The following C7 variants were observed in gnomAD, a reference collection of about 807,000 sequenced individuals.
The protein encoded by C7 is complement C7, also known as complement component C7.
In C7, 83 loss-of-function variants were observed where a neutral mutation model predicts 104.8. That is an observed-to-expected ratio of 0.79 (90% CI 0.66 to 0.95). The LOEUF (loss-of-function observed/expected upper bound fraction) is 0.95, where lower values mean the gene tolerates loss of function less well. C7 is among the 40% of genes least tolerant of loss of function. The pLI is 0.00. For synonymous variants in C7, 415 were observed against 360.6 expected, an observed-to-expected ratio of 1.15 and a Z score of -1.71; for missense variants, 1,070 against 1,011.2, an observed-to-expected ratio of 1.06 and a Z score of -0.79.
intron 1 of C7, among the ~76,000 whole-genome samples, chr5:40,917,293 G>A (rs902384297): frequency 1.6e-4 from 24 of 151,988 alleles, no homozygotes; most frequent in Non-Finnish European, 3.4e-4. Context: ...CATGGCCCTT[G>A]GTAACCATTT....
chr5:40,909,673 G>A, intron 1 of C7, 57 bp downstream of exon 1: 4 of 1,306,558 alleles, frequency 3.1e-6, no homozygotes, highest in East Asian at 2.4e-5. Flanking sequence ...AATGAACGGG[G>A]GTAATATAAA....
intron 1 of C7, among the ~76,000 whole-genome samples, chr5:40,920,232 CT>C (rs139744575): frequency 0.096 from 14,557 of 151,948 alleles, 966 homozygotes; most frequent in East Asian, 0.31. Flanking sequence ...TAAAGTGTTT[CT>C]GTAAAGTGTT....
chr5:40,932,135 G>C (rs1170012369), intron 3 of C7, among the ~76,000 whole-genome samples: 2 of 151,970 alleles, frequency 1.3e-5, no homozygotes, highest in Non-Finnish European at 2.9e-5. Flanking sequence ...CTTTTTCTCT[G>C]TGTGTGCTTA....
intron 1 of C7, among the ~76,000 whole-genome samples, chr5:40,927,643 A>C (rs1739583563): frequency 6.6e-6 from 1 of 152,116 alleles, no homozygotes; most frequent in African/African-American, 2.4e-5. Context: ...CTGAGTAAAC[A>C]TTTCTGAAGA....
At position 40,963,989 on chromosome 5, in the gene C7, T is replaced by G. The variant is rs531437488; in HGVS notation, c.1750-752T>G. On this transcript the variant is annotated intron_variant, in intron 13 of 17. Transcript: ENST00000313164. ...TCATACTGACATTTTGTAGGCAGTATGGCAGTATTGTCAATGAACAGCTCA... is the reference window on the plus strand; with the variant it reads ...TCATACTGACATTTTGTAGGCAGTAGGGCAGTATTGTCAATGAACAGCTCA... Among the ~76,000 whole-genome samples, 4 of 149,876 alleles carry G rather than the reference T, an allele frequency of 2.7e-5. No individual in the cohort carries two copies. In the East Asian group the frequency reaches 7.9e-4, roughly 30 times the overall value.
rs372551834 is a variant in C7 at position 40,978,873 on chromosome 5, ATTTTT to A, written c.2166-832_2166-828del. ...GAGGAAGGTAACACATTTTATGGAA[ATTTTT>A]TTTTTTTTTTTTTTTTTTTGGGACA... On this transcript the variant is annotated intron_variant, in intron 16 of 17. Transcript: ENST00000313164. 3.7e-4 allele frequency among the ~76,000 whole-genome samples: 30 copies of A among 80,090 alleles called. 1 individual carries two copies. The highest frequency in any genetic ancestry group is 7.1e-4 in the East Asian group (2 of 2,804). 52.5% of individuals were successfully genotyped at this position (80,090 alleles called of 152,430 possible).
chr5:40,960,207 A>G (rs1263730717), intron 12 of C7, among the ~76,000 whole-genome samples: 1 of 152,224 alleles, frequency 6.6e-6, no homozygotes, highest in African/African-American at 2.4e-5. Flanking sequence ...TGCTCAGTTG[A>G]TGAATCATAG....
At position 40,981,483 on chromosome 5, in the gene C7, G is replaced by C. The variant is rs374829582; in HGVS notation, c.2442G>C (p.Thr814=). 1.7e-5 allele frequency: 27 copies of C among 1,613,674 alleles called. No homozygotes were observed. In the Admixed American group the frequency reaches 4.3e-4, roughly 26 times the overall value. ...ICVEVNGKEQ[T]MSECEAGALR... ...TGGAAGTGAACGGCAAGGAGCAGAC[G>C]ATGTCTGAGTGTGAGGCGGGCGCTC... Residue 814 remains threonine, a synonymous_variant, in exon 18 of 18, where the codon ACG becomes ACC. Coordinates refer to ENST00000313164, the MANE Select transcript of C7 (RefSeq NM_000587.4).
At chr5:40,966,385 T>C (rs1740551723) in intron 14 of C7, among the ~76,000 whole-genome samples, 1 of 151,864 alleles carries the variant, frequency 6.6e-6, no homozygotes, top group Non-Finnish European at 1.5e-5. Context: ...TCTTTTTTTT[T>C]TTTTGAGATG....
intron 5 of C7, 124 bp from the exon 6 acceptor site, chr5:40,937,428 G>C: frequency 1.1e-6 from 1 of 891,718 alleles, no homozygotes; most frequent in Non-Finnish European, 1.7e-6. Context: ...TCAAAGAAGT[G>C]TTTAAGTGTA....
At chr5:40,936,232 C>T (rs1190621098) in intron 4 of C7, 106 bp from the exon 5 acceptor site, 22 of 838,368 alleles carry the variant, frequency 2.6e-5, no homozygotes, top group Admixed American at 7.2e-5. Context: ...TTTACATTGG[C>T]GTATCAGTGC....
chr5:40,966,737 C>T (rs1293666270), intron 14 of C7, among the ~76,000 whole-genome samples: 1 of 152,092 alleles, frequency 6.6e-6, no homozygotes, highest in Non-Finnish European at 1.5e-5. Flanking sequence ...CAGTCTCATC[C>T]ACGTTGCTGA....
intron 6 of C7, among the ~76,000 whole-genome samples, chr5:40,944,754 A>G (rs907998730): frequency 6.6e-6 from 1 of 152,216 alleles, no homozygotes; most frequent in Non-Finnish European, 1.5e-5. Context: ...TAAATCCACT[A>G]TTGGATCACA....
intron 12 of C7, among the ~76,000 whole-genome samples, chr5:40,960,246 C>A (rs1283148335): frequency 6.6e-6 from 1 of 152,058 alleles, no homozygotes; most frequent in Non-Finnish European, 1.5e-5. Flanking sequence ...TATGCCACAC[C>A]CTACTGTTTT....
chr5:40,913,978 C>T (rs112970764), intron 1 of C7, among the ~76,000 whole-genome samples: 9 of 152,224 alleles, frequency 5.9e-5, no homozygotes, highest in Admixed American at 2.6e-4. Flanking sequence ...TGCGTCCGAC[C>T]GCCCCAAATA....
At chr5:40,953,048 G>GT (rs1447283723) in intron 9 of C7, among the ~76,000 whole-genome samples, 1 of 151,972 alleles carries the variant, frequency 6.6e-6, no homozygotes, top group Non-Finnish European at 1.5e-5. Context: ...GAAATCTGCA[G>GT]TTCCCTCAGA....
In C7 at chr5:40,965,644, A is replaced by ATTT. The variant is rs1187259916; in HGVS notation, c.1882+772_1882+773insTTT. ...TGTATAGTGATATATATATATATAT[A>ATTT]TATATTTTTTTTTTGGAGACAGAGT... On this transcript the variant is annotated intron_variant, in intron 14 of 17. Transcript: ENST00000313164. Among the ~76,000 whole-genome samples, 20 of 85,502 alleles carry ATTT rather than the reference A, an allele frequency of 2.3e-4. No homozygotes were observed. The South Asian group carries it at 4.5e-3, about 19-fold the overall frequency. 56.1% of individuals were successfully genotyped at this position (85,502 alleles called of 152,430 possible).
Position 40,936,372 on chromosome 5 carries a change from G to C in C7, c.315G>C (p.Gly105=), listed in dbSNP as rs368708435. The change falls in exon 5 of 18, where the codon GGG becomes GGC. Residue 105 remains glycine, a synonymous_variant. Coordinates refer to ENST00000313164, the MANE Select transcript of C7 (RefSeq NM_000587.4). ...QCISKSLVCN[G]DSDCDEDSAD... is the part of the protein sequence containing the mutation. Reference sequence around the variant, plus strand: ...TCAGCAAATCATTGGTTTGCAATGGGGATTCTGACTGTGATGAAGACAGTG... The same window carrying C: ...TCAGCAAATCATTGGTTTGCAATGGCGATTCTGACTGTGATGAAGACAGTG... The C allele has an allele frequency of 2.2e-5, 35 of 1,613,156 alleles. No homozygotes were observed. The highest frequency in any genetic ancestry group is 1.0e-4 in the Admixed American group (6 of 59,922).
chr5:40,932,671 G>T (rs1739720877), intron 3 of C7, among the ~76,000 whole-genome samples: 1 of 152,026 alleles, frequency 6.6e-6, no homozygotes, highest in Non-Finnish European at 1.5e-5. Flanking sequence ...CAGGCAACCA[G>T]GTACATGAAT....
Sources: gnomAD v4.1 joint callset for allele counts (sites outside exome capture counted in the v4.1 genomes callset) on GRCh38, gnomAD v4.1.1 for gene constraint, MANE v1.5 for transcripts, NCBI Gene and HGNC (gene_info 2026-07-23, HGNC 2026-07-21) for gene names.